Variants in MAGI3 observed in about 807,000 individuals in gnomAD.
The protein encoded by MAGI3 is membrane associated guanylate kinase, WW and PDZ domain containing 3.
In MAGI3, 43 loss-of-function variants were observed where a neutral mutation model predicts 121.8. The ratio of observed to expected loss-of-function variants is 0.35; its 90% CI spans 0.28 to 0.46. The LOEUF is 0.46. Among genes scored for constraint, MAGI3 ranks in the 20% least tolerant of loss-of-function variants. The pLI is 1.00. For missense variants in MAGI3, 1,547 were observed against 1,797.3 expected (o/e 0.86, Z 2.52); for synonymous variants, 553 against 639.3 (o/e 0.86, Z 2.04).
intron 1 of MAGI3, among the ~76,000 whole-genome samples, chr1:113,529,373 C>T (rs1438313626): frequency 6.6e-6 from 1 of 152,174 alleles, no homozygotes; most frequent in African/African-American, 2.4e-5. Flanking sequence ...GATGAGGGCT[C>T]AATTCCTAGT....
rs753801906 is a variant in MAGI3 at position 113,683,064 on chromosome 1, A to T, written c.3496A>T (p.Ile1166Phe). The T allele has an allele frequency of 3.7e-6, 6 of 1,613,360 alleles. No homozygotes were observed. In the African/African-American group the frequency reaches 4.0e-5, roughly 11 times the overall value. Residue 1166 changes from isoleucine to phenylalanine, a missense_variant, in exon 21 of 21, where the codon ATT becomes TTT. Transcript: ENST00000307546. Reference sequence around the variant, plus strand: ...TGAAAAGGCAGAAGAATTAAAGGACATTGTGCCTGAAAAGAAAAGCACTTT... The same window carrying T: ...TGAAAAGGCAGAAGAATTAAAGGACTTTGTGCCTGAAAAGAAAAGCACTTT... ...ICEKAEELKD[I>F]VPEKKSTLNE...
chr1:113,490,966 T>C (rs532995350), intron 1 of MAGI3, among the ~76,000 whole-genome samples: 1 of 152,212 alleles, frequency 6.6e-6, no homozygotes, highest in South Asian at 2.1e-4. Context: ...CAATGTTAGA[T>C]AATTGAGCCA....
At chr1:113,493,978 C>G (rs933234391) in intron 1 of MAGI3, among the ~76,000 whole-genome samples, 1 of 152,112 alleles carries the variant, frequency 6.6e-6, no homozygotes, top group Non-Finnish European at 1.5e-5. Context: ...CCTCAGAGAC[C>G]TAAAAACAGA....
At position 113,646,575 on chromosome 1, in the gene MAGI3, G is replaced by A. The variant is rs768614114; in HGVS notation, c.2088G>A (p.Arg696=). Residue 696 remains arginine, a synonymous_variant, in exon 12 of 21, where the codon AGG becomes AGA. Coordinates refer to ENST00000307546, the MANE Select transcript of MAGI3 (RefSeq NM_001142782.2). ...QPMPFPPSII[R]SGSPKLDPSE... The stretch of plus-strand genomic sequence containing the variant: ...TGCCTTTTCCACCGAGCATTATCAG[G>A]TCAGGATCCCCAAAATTGGATCCTT... The A allele has an allele frequency of 7.2e-5, 116 of 1,613,400 alleles. No homozygotes were observed. Among genetic ancestry groups the A allele is most frequent in the Non-Finnish European group, 9.2e-5 (108 of 1,179,658 alleles).
intron 6 of MAGI3, among the ~76,000 whole-genome samples, chr1:113,602,858 G>A (rs1206440222): frequency 6.6e-6 from 1 of 151,956 alleles, no homozygotes; most frequent in Non-Finnish European, 1.5e-5. Context: ...CCTGGAGGAG[G>A]CAGAGGTTGC....
At chr1:113,411,954 C>T (rs759325054) in intron 1 of MAGI3, among the ~76,000 whole-genome samples, 6 of 151,948 alleles carry the variant, frequency 3.9e-5, no homozygotes, top group Non-Finnish European at 5.9e-5. Flanking sequence ...ATAAATGTGC[C>T]ATGTTGGTTT....
At chr1:113,448,374 T>A (rs1254141558) in intron 1 of MAGI3, among the ~76,000 whole-genome samples, 2 of 152,218 alleles carry the variant, frequency 1.3e-5, no homozygotes, top group African/African-American at 4.8e-5. Flanking sequence ...GAGGCTACTG[T>A]TTGGGAGTTG....
intron 1 of MAGI3, among the ~76,000 whole-genome samples, chr1:113,531,228 C>T (rs1658704796): frequency 6.6e-6 from 1 of 151,948 alleles, no homozygotes; most frequent in African/African-American, 2.4e-5. Flanking sequence ...AGCTTACATA[C>T]AGGTTATTAA....
intron 9 of MAGI3, among the ~76,000 whole-genome samples, chr1:113,629,750 C>CTG (rs1445500748): frequency 3.7e-5 from 4 of 108,666 alleles, no homozygotes; most frequent in Non-Finnish European, 7.7e-5. Flanking sequence ...CTCTCTCTCT[C>CTG]TCTCTCTCTC....
At chr1:113,420,446 C>T (rs1207842230) in intron 1 of MAGI3, among the ~76,000 whole-genome samples, 3 of 152,204 alleles carry the variant, frequency 2.0e-5, no homozygotes, top group Non-Finnish European at 4.4e-5. Context: ...TAGGAACCTA[C>T]TGCTTAGACA....
chr1:113,495,213 T>TC (rs1370469776), intron 1 of MAGI3, among the ~76,000 whole-genome samples: 2 of 151,848 alleles, frequency 1.3e-5, no homozygotes, highest in Non-Finnish European at 2.9e-5. Flanking sequence ...AGGATCTAAT[T>TC]TTTTTTTAAA....
chr1:113,476,550 C>A lies in MAGI3; in HGVS notation c.317-72965C>A, dbSNP rs564396354. 3.3e-5 allele frequency among the ~76,000 whole-genome samples: 5 copies of A among 152,262 alleles called. No individual in the cohort carries two copies. In the East Asian group the frequency reaches 7.7e-4, roughly 23 times the overall value. On this transcript the variant is annotated intron_variant, in intron 1 of 20. Transcript: ENST00000307546. ...TGCAGTTTTGAGTGAGTTTCTTAAT[C>A]CTGAGTTCTAATTTGATTTCGCTGT...
chr1:113,616,723 A>G (rs1272039378), intron 7 of MAGI3, among the ~76,000 whole-genome samples: 1 of 152,196 alleles, frequency 6.6e-6, no homozygotes, highest in Non-Finnish European at 1.5e-5. Flanking sequence ...ATTGCATTAC[A>G]TGTCTTTTTA....
intron 1 of MAGI3, among the ~76,000 whole-genome samples, chr1:113,543,702 T>C (rs1659396513): frequency 6.6e-6 from 1 of 152,006 alleles, no homozygotes. Context: ...ACACTGTCTC[T>C]ACCAAAAATA....
Position 113,649,189 on chromosome 1 carries a change from A to G in MAGI3, c.2156-48A>G, listed in dbSNP as rs367858776. On this transcript the variant is annotated intron_variant, in intron 12 of 20. Transcript: ENST00000307546. Reference sequence around the variant, plus strand: ...AAATACTGAACTTTGTTTTGTTTTAATCCTTTTAAAATAAATCATAGTATT... The same window carrying G: ...AAATACTGAACTTTGTTTTGTTTTAGTCCTTTTAAAATAAATCATAGTATT... 2.0e-5 allele frequency: 28 copies of G among 1,435,270 alleles called. No individual in the cohort carries two copies. In the African/African-American group the frequency reaches 2.4e-4, roughly 12 times the overall value. 88.9% of individuals were successfully genotyped at this position (1,435,270 alleles called of 1,614,324 possible). A position where few individuals can be genotyped will look rare whatever the true frequency, so the allele number is the denominator to read the frequency against.
intron 1 of MAGI3, among the ~76,000 whole-genome samples, chr1:113,492,971 C>T (rs958414706): frequency 3.9e-5 from 6 of 152,208 alleles, no homozygotes; most frequent in African/African-American, 1.2e-4. Flanking sequence ...CTGCCCAAAG[C>T]ATTGTATAGA....
chr1:113,666,972 G>A lies in MAGI3; in HGVS notation c.2816-4762G>A, dbSNP rs551823914. 3.3e-5 allele frequency among the ~76,000 whole-genome samples: 5 copies of A among 152,268 alleles called. No homozygotes were observed. In the East Asian group the frequency reaches 9.6e-4, roughly 29 times the overall value. On this transcript the variant is annotated intron_variant, in intron 16 of 20. Coordinates refer to ENST00000307546, the MANE Select transcript of MAGI3 (RefSeq NM_001142782.2). The stretch of plus-strand genomic sequence containing the variant: ...TTTTGAAAGGAATCTTTTTTTCTGA[G>A]CAGTAGGTCTCAACAGTGGGATTAA...
intron 1 of MAGI3, among the ~76,000 whole-genome samples, chr1:113,460,812 G>GA (rs970798618): frequency 1.3e-3 from 176 of 134,464 alleles, no homozygotes; most frequent in African/African-American, 2.8e-3. Context: ...CCATCTCAAA[G>GA]AAAAAAAAAA....
intron 1 of MAGI3, among the ~76,000 whole-genome samples, chr1:113,442,351 C>T (rs1409966210): frequency 6.6e-6 from 1 of 152,016 alleles, no homozygotes; most frequent in Non-Finnish European, 1.5e-5. Flanking sequence ...CTTTGGCAGT[C>T]AGAGACATAT....
Sources: allele counts gnomAD v4.1 joint callset (sites outside exome capture counted in the v4.1 genomes callset), GRCh38; gene constraint gnomAD v4.1.1; transcripts MANE v1.5; gene names NCBI Gene and HGNC (gene_info 2026-07-23, HGNC 2026-07-21).